The following MYL4 variants were observed in gnomAD, a reference collection of about 807,000 sequenced individuals.
MYL4 encodes the protein myosin light chain 4, also known as atrial myosin light chain 1.
In MYL4, 16 loss-of-function variants were observed where a neutral mutation model predicts 21.6. The observed-to-expected ratio is 0.74, with a 90% confidence interval of 0.50 to 1.12. The LOEUF is 1.12. MYL4 is among the 50% of genes most tolerant of loss of function. The probability of loss-of-function intolerance (pLI) is 0.00; values close to 1 mark genes in which losing one functional copy is unlikely to be tolerated. For synonymous variants in MYL4, 82 were observed against 95.7 expected (o/e 0.86, Z 0.83); for missense variants, 249 against 252.9 (o/e 0.98, Z 0.11).
intron 2 of MYL4, 160 bp downstream of exon 2, chr17:47,213,986 T>G (rs138826999): frequency 1.2e-6 from 1 of 805,298 alleles, no homozygotes; most frequent in Admixed American, 2.0e-5. Flanking sequence ...TCAGGCATAG[T>G]CCTAGGCACT....
chr17:47,190,383 T>A, the MYL4 span, among the ~76,000 whole-genome samples: 1 of 152,140 alleles, frequency 6.6e-6, no homozygotes, highest in Non-Finnish European at 1.5e-5. Flanking sequence ...CTGCTCCCCT[T>A]CTCCCCCCAA....
chr17:47,194,284 G>A, the MYL4 span, among the ~76,000 whole-genome samples: 2 of 152,192 alleles, frequency 1.3e-5, no homozygotes, highest in African/African-American at 2.4e-5. Context: ...GATTAGATAA[G>A]GGTTAGTTTA....
chr17:47,216,092 T>C (rs1018577612), intron 2 of MYL4, among the ~76,000 whole-genome samples: 2 of 151,462 alleles, frequency 1.3e-5, no homozygotes, highest in Non-Finnish European at 1.5e-5. Context: ...CCAATTTCTT[T>C]TGTGCTTTTT....
In MYL4 at chr17:47,222,432, T is replaced by A; in HGVS notation, c.540T>A (p.Asp180Glu). 6.2e-7 allele frequency: 1 copy of A among 1,614,060 alleles called. No individual in the cohort carries two copies. Residue 180 changes from aspartate to glutamate, a missense_variant, in exon 5 of 7, where the codon GAT becomes GAA. By Grantham distance (45) the Asp-to-Glu change is conservative. Transcript: ENST00000393450. Reference sequence around the variant, plus strand: ...AGCAGCTGTTAGCTGGGCAAGAGGATGCCAATGGCTGCATCAATTATGAAG... The same window carrying A: ...AGCAGCTGTTAGCTGGGCAAGAGGAAGCCAATGGCTGCATCAATTATGAAG... ...EVEQLLAGQE[D>E]ANGCINYEAF...
intron 2 of MYL4, 43 bp from the exon 3 acceptor site, chr17:47,219,855 ACCACCT>A (rs749793531): frequency 6.2e-7 from 1 of 1,610,682 alleles, no homozygotes; most frequent in Non-Finnish European, 8.5e-7. Flanking sequence ...GCCACCAGCC[ACCACCT>A]TCACTGGGGA....
Position 47,221,716 on chromosome 17 carries a change from C to T in MYL4, c.348C>T (p.Phe116=), listed in dbSNP as rs184779796. The change falls in exon 4 of 7, where the codon TTC becomes TTT. Residue 116 remains phenylalanine (F), a synonymous_variant. Transcript: ENST00000393450. ...TCAAGATGCTGGACTTTGAGACGTTCTTGCCCATCCTGCAGCACATTTCCC... is the reference window on the plus strand; with the variant it reads ...TCAAGATGCTGGACTTTGAGACGTTTTTGCCCATCCTGCAGCACATTTCCC... ...MNVKMLDFET[F]LPILQHISRN... 5.6e-6 allele frequency: 9 copies of T among 1,614,046 alleles called. No homozygotes were observed. The East Asian group carries it at 2.0e-4, about 36-fold the overall frequency.
the MYL4 span, among the ~76,000 whole-genome samples, chr17:47,194,764 A>ATT: frequency 6.8e-6 from 1 of 146,894 alleles, no homozygotes; most frequent in African/African-American, 2.5e-5. Flanking sequence ...ATTACATAGA[A>ATT]TTTTTTTTTT....
chr17:47,219,947 A>T lies in MYL4; in HGVS notation c.207A>T (p.Gly69=), dbSNP rs753325178. Residue 69 remains glycine, a synonymous_variant, in exon 3 of 7, where the codon GGA becomes GGT. Transcript: ENST00000393450. ...CATTGTTTGACCGGACCCCGACTGG[A>T]GAGATGAAGATCACCTACGGCCAGT... is the stretch of plus-strand genomic sequence containing the variant. The part of the protein sequence containing the change: ...AFSLFDRTPT[G]EMKITYGQCG... 6.2e-7 allele frequency: 1 copy of T among 1,614,142 alleles called. No individual in the cohort carries two copies. Among genetic ancestry groups the T allele is most frequent in the Non-Finnish European group, 8.5e-7 (1 of 1,180,022 alleles).
At chr17:47,227,215 C>G (rs766823707), downstream of MYL4, among the ~76,000 whole-genome samples, 27 of 152,228 alleles carry the variant, frequency 1.8e-4, no homozygotes, top group Non-Finnish European at 3.1e-4. Flanking sequence ...TTTGCTGCCT[C>G]CATGGTGTTG....
At chr17:47,206,659 C>T (rs1448598973), upstream of MYL4, among the ~76,000 whole-genome samples, 1 of 152,100 alleles carries the variant, frequency 6.6e-6, no homozygotes, top group African/African-American at 2.4e-5. Flanking sequence ...AAGCATGTCA[C>T]CCTATAAAGC....
intron 1 of MYL4, among the ~76,000 whole-genome samples, chr17:47,211,702 T>C (rs1386526740): frequency 1.3e-5 from 2 of 151,916 alleles, no homozygotes; most frequent in Non-Finnish European, 2.9e-5. Flanking sequence ...CCCCAACCTA[T>C]CCCCAGCTCA....
chr17:47,209,953 A>G (rs1189549652), intron 1 of MYL4, among the ~76,000 whole-genome samples: 2 of 152,188 alleles, frequency 1.3e-5, no homozygotes, highest in Non-Finnish European at 2.9e-5. Flanking sequence ...CAGACAGATC[A>G]TGGCAGCTGC....
At chr17:47,214,713 T>C (rs543447717) in intron 2 of MYL4, among the ~76,000 whole-genome samples, 2 of 152,354 alleles carry the variant, frequency 1.3e-5, no homozygotes, top group South Asian at 4.1e-4. Flanking sequence ...CAGGTGTTTA[T>C]GTATCCTTTC....
the MYL4 span, among the ~76,000 whole-genome samples, chr17:47,194,247 T>C: frequency 4.6e-5 from 7 of 152,252 alleles, no homozygotes; most frequent in Non-Finnish European, 8.8e-5. Context: ...CAGTTTAAGA[T>C]ATCACCATCT....
chr17:47,219,861 T>C, intron 2 of MYL4, 43 bp from the exon 3 acceptor site: 1 of 1,613,812 alleles, frequency 6.2e-7, no homozygotes, highest in Non-Finnish European at 8.5e-7. Flanking sequence ...AGCCACCACC[T>C]TCACTGGGGA....
chr17:47,203,937 A>G (rs995386769), intron 1 of MYL4, among the ~76,000 whole-genome samples: 1 of 152,246 alleles, frequency 6.6e-6, no homozygotes, highest in Non-Finnish European at 1.5e-5. Context: ...AAGCAGCCTT[A>G]GGAGTACAGG....
At chr17:47,191,744 C>T in the MYL4 span, among the ~76,000 whole-genome samples, 1 of 152,118 alleles carries the variant, frequency 6.6e-6, no homozygotes, top group East Asian at 1.9e-4. Context: ...GCTGGGATTA[C>T]AGGTGTGAGC....
At chr17:47,222,565 T>C in intron 5 of MYL4, 108 bp downstream of exon 5, 1 of 906,296 alleles carries the variant, frequency 1.1e-6, no homozygotes. Context: ...GGTGGGTTTT[T>C]GTAGACCCCC....
In MYL4 at chr17:47,213,945, T is replaced by C. The variant is rs762942413; in HGVS notation, c.163+119T>C. ...GTAATAGTAATCACTGTCATCATCA[T>C]AGCAAACCTATATTGAGCATCTACC... On this transcript the variant is annotated intron_variant, in intron 2 of 6. Transcript: ENST00000393450. The C allele has an allele frequency of 6.7e-6, 8 of 1,197,120 alleles. No individual in the cohort carries two copies. In the East Asian group the frequency reaches 9.4e-5, roughly 14 times the overall value. 74.2% of individuals were successfully genotyped at this position (1,197,120 alleles called of 1,614,324 possible).
Sources: gnomAD v4.1 joint callset for allele counts (sites outside exome capture counted in the v4.1 genomes callset) on GRCh38, gnomAD v4.1.1 for gene constraint, MANE v1.5 for transcripts, NCBI Gene and HGNC (gene_info 2026-07-23, HGNC 2026-07-21) for gene names.